The following REPS2 variants were observed in gnomAD, a reference collection of about 807,000 sequenced individuals.
The protein encoded by REPS2 is RALBP1 associated Eps domain containing 2, also known as ralBP1-associated Eps domain-containing protein 2.
REPS2 carries 23 observed loss-of-function variants against 53.6 expected under a neutral mutation model. That is an observed-to-expected ratio of 0.43 (90% CI 0.31 to 0.61). The LOEUF (loss-of-function observed/expected upper bound fraction) is 0.61, where lower values mean the gene tolerates loss of function less well. Among genes scored for constraint, REPS2 ranks in the 20% least tolerant of loss-of-function variants. The pLI is 0.11. For synonymous variants in REPS2, 238 were observed against 218.6 expected, an observed-to-expected ratio of 1.09 and a Z score of -0.78; for missense variants, 446 against 534.9, an observed-to-expected ratio of 0.83 and a Z score of 1.64.
the REPS2 span, among the ~76,000 whole-genome samples, chrX:17,179,333 C>A: frequency 7.2e-5 from 8 of 111,514 alleles, no homozygotes; most frequent in African/African-American, 2.6e-4. Context: ...GATCATACAA[C>A]TTCTACTAGA....
At position 17,074,058 on chromosome X, in the gene REPS2, T is replaced by C. The variant is rs2062346965; in HGVS notation, c.1334-56T>C. The C allele has an allele frequency of 4.6e-6, 5 of 1,088,585 alleles. No homozygotes were observed. The African/African-American group carries it at 9.0e-5, about 20-fold the overall frequency. 89.7% of individuals were successfully genotyped at this position (1,088,585 alleles called of 1,213,427 possible). A position where few individuals can be genotyped will look rare whatever the true frequency, so the allele number is the denominator to read the frequency against. ...ATGTGTTCTGTACTAGCCCAGGTGC[T>C]GCATATAAACTTGTTTAACTGCAGA... On this transcript the variant is annotated intron_variant, in intron 11 of 17. Coordinates refer to ENST00000357277, the MANE Select transcript of REPS2 (RefSeq NM_004726.3).
intron 7 of REPS2, 146 bp downstream of exon 7, chrX:17,052,591 T>C: frequency 2.5e-6 from 1 of 400,934 alleles, no homozygotes; most frequent in Non-Finnish European, 4.2e-6. Context: ...TTTTTGTTGC[T>C]GTGAAAATTA....
intron 14 of REPS2, among the ~76,000 whole-genome samples, chrX:17,113,786 C>A (rs2063009965): frequency 9.0e-6 from 1 of 111,119 alleles, no homozygotes; most frequent in African/African-American, 3.3e-5. Context: ...AGCCTGTCCC[C>A]CTTCCTTCTT....
At chrX:17,074,957 A>G (rs1248233122) in intron 12 of REPS2, among the ~76,000 whole-genome samples, 3 of 111,907 alleles carry the variant, frequency 2.7e-5, no homozygotes, top group African/African-American at 9.7e-5. Context: ...ATCATATTTT[A>G]TATGCTTGAA....
At chrX:17,096,659 C>CAA (rs1181603042) in intron 13 of REPS2, among the ~76,000 whole-genome samples, 11 of 17,258 alleles carry the variant, frequency 6.4e-4, no homozygotes, top group African/African-American at 7.5e-4. Context: ...GACTCCGTCT[C>CAA]AAAAAAAAAA....
intron 5 of REPS2, among the ~76,000 whole-genome samples, chrX:17,034,597 G>A (rs146827071): frequency 2.7e-5 from 3 of 112,428 alleles, no homozygotes; most frequent in African/African-American, 9.7e-5. Flanking sequence ...AGGGAGACAT[G>A]TTTGGCAAAT....
chrX:17,059,605 C>G (rs1461129635), intron 8 of REPS2, among the ~76,000 whole-genome samples: 2 of 110,049 alleles, frequency 1.8e-5, no homozygotes, highest in Non-Finnish European at 3.8e-5. Flanking sequence ...GTAGCTGGAA[C>G]TACAGGTGCC....
intron 1 of REPS2, among the ~76,000 whole-genome samples, chrX:16,949,305 C>T (rs1367014083): frequency 1.8e-5 from 2 of 112,271 alleles, no homozygotes; most frequent in Non-Finnish European, 3.8e-5. Flanking sequence ...ACCAGGTTTT[C>T]CTCTTAATAA....
intron 5 of REPS2, among the ~76,000 whole-genome samples, chrX:17,039,953 T>TGG (rs2061811082): frequency 8.9e-6 from 1 of 112,727 alleles, no homozygotes; most frequent in Non-Finnish European, 1.9e-5. Context: ...AAGTATAGCT[T>TGG]ATTGTAATAA....
chrX:16,962,885 A>G (rs944983539), intron 1 of REPS2, among the ~76,000 whole-genome samples: 2 of 111,615 alleles, frequency 1.8e-5, no homozygotes, highest in Non-Finnish European at 3.8e-5. Context: ...GCTTGAGGCC[A>G]GGAGTTTAAG....
At chrX:17,027,834 T>C (rs2061666136) in intron 4 of REPS2, among the ~76,000 whole-genome samples, 1 of 110,679 alleles carries the variant, frequency 9.0e-6, no homozygotes, top group Non-Finnish European at 1.9e-5. Context: ...TTTAACCTTC[T>C]GAATTCAGAT....
intron 1 of REPS2, among the ~76,000 whole-genome samples, chrX:16,998,373 A>G (rs949711043): frequency 3.6e-5 from 4 of 112,275 alleles, no homozygotes; most frequent in Non-Finnish European, 5.6e-5. Context: ...CCAGAAGCCA[A>G]TTTTGTTAGT....
At chrX:17,164,415 A>G in the REPS2 span, among the ~76,000 whole-genome samples, 2 of 112,446 alleles carry the variant, frequency 1.8e-5, no homozygotes, top group African/African-American at 6.5e-5. Flanking sequence ...ATCATGAAAC[A>G]GTAATCAAAA....
intron 9 of REPS2, among the ~76,000 whole-genome samples, chrX:17,064,054 A>C (rs749865949): frequency 1.8e-5 from 2 of 109,545 alleles, no homozygotes; most frequent in East Asian, 5.7e-4. Flanking sequence ...ATACTTTTGC[A>C]TACTTTAAGT....
At chrX:17,016,625 T>G (rs1323424781) in intron 2 of REPS2, among the ~76,000 whole-genome samples, 1 of 111,206 alleles carries the variant, frequency 9.0e-6, no homozygotes, top group Non-Finnish European at 1.9e-5. Context: ...GTCAGGCTAG[T>G]CTCAAACTCC....
At chrX:17,053,357 GTTTTTGTTTTGT>G (rs1397599243) in intron 7 of REPS2, among the ~76,000 whole-genome samples, 1 of 110,903 alleles carries the variant, frequency 9.0e-6, no homozygotes, top group Non-Finnish European at 1.9e-5. Flanking sequence ...TATTAGTTTT[GTTTTTGTTTTGT>G]TTTTTGTTTG....
intron 13 of REPS2, among the ~76,000 whole-genome samples, chrX:17,102,876 G>T (rs1244619484): frequency 8.9e-6 from 1 of 112,584 alleles, no homozygotes; most frequent in Non-Finnish European, 1.9e-5. Flanking sequence ...TTGGACGATG[G>T]TGTTTTTCTA....
chrX:17,164,040 A>G, the REPS2 span, among the ~76,000 whole-genome samples: 1 of 112,459 alleles, frequency 8.9e-6, no homozygotes, highest in African/African-American at 3.2e-5. Context: ...GAAAAATAAC[A>G]GCACAAAAGA....
chrX:17,181,993 A>G, the REPS2 span, among the ~76,000 whole-genome samples: 1 of 111,919 alleles, frequency 8.9e-6, no homozygotes, highest in Non-Finnish European at 1.9e-5. Flanking sequence ...CAACAGGAGG[A>G]GTCTATGTTG....
Sources: allele counts gnomAD v4.1 joint callset (sites outside exome capture counted in the v4.1 genomes callset), GRCh38; gene constraint gnomAD v4.1.1; transcripts MANE v1.5; gene names NCBI Gene and HGNC (gene_info 2026-07-23, HGNC 2026-07-21).